Variants in OSCP1 observed in about 807,000 individuals in gnomAD.
OSCP1 encodes the protein organic solute carrier partner 1.
A neutral mutation model predicts 45.1 loss-of-function variants in OSCP1; 35 were observed. The observed-to-expected ratio is 0.78, with a 90% CI of 0.59 to 1.03. OSCP1 has a LOEUF of 1.03. OSCP1 is among the 50% of genes least tolerant of loss of function. OSCP1 has a pLI of 0.00. For synonymous variants in OSCP1, 179 were observed against 180.1 expected (o/e 0.99, Z 0.05); for missense variants, 400 against 470.7 (o/e 0.85, Z 1.39).
intron 1 of OSCP1, chr1:36,444,091 A>G (rs1649361603): frequency 6.4e-7 from 1 of 1,563,030 alleles, no homozygotes; most frequent in South Asian, 1.1e-5. Flanking sequence ...ATTATTTTCA[A>G]GGAGGCTTTA....
At chr1:36,434,226 GTA>G (rs1648561884) in intron 2 of OSCP1, among the ~76,000 whole-genome samples, 1 of 151,942 alleles carries the variant, frequency 6.6e-6, no homozygotes, top group African/African-American at 2.4e-5. Context: ...CCAAGCACGT[GTA>G]TATATATTAC....
At chr1:36,432,121 G>C (rs1336141998) in intron 3 of OSCP1, among the ~76,000 whole-genome samples, 1 of 152,092 alleles carries the variant, frequency 6.6e-6, no homozygotes, top group African/African-American at 2.4e-5. Flanking sequence ...GACCTGGAGA[G>C]CCTGTTCCCC....
chr1:36,450,152 G>A (rs1032812453), intron 1 of OSCP1, 106 bp downstream of exon 1: 4 of 840,658 alleles, frequency 4.8e-6, no homozygotes, highest in African/African-American at 3.8e-5. Context: ...CTGGTTATAA[G>A]AGTGAAGTGT....
At position 36,418,070 on chromosome 1, in the gene OSCP1, T is replaced by C. The variant is rs1647378087; in HGVS notation, c.*69A>G. The stretch of plus-strand genomic sequence containing the variant: ...AAACTAGCAGCATCATTCTGGGCCA[T>C]GGGGCATTCCCCAGGGGTCACCATC... On this transcript the variant is annotated 3_prime_UTR_variant, in exon 10 of 10. Transcript: ENST00000235532. 4 of 1,279,150 alleles carry C rather than the reference T, an allele frequency of 3.1e-6. No individual in the cohort carries two copies. In the East Asian group the frequency reaches 7.0e-5, roughly 22 times the overall value. The allele number at this position is 1,279,150 out of a possible 1,614,324, so 79.2% of individuals were successfully genotyped here.
chr1:36,419,506 GAATTA>G (rs1647482887), intron 8 of OSCP1, among the ~76,000 whole-genome samples: 1 of 152,134 alleles, frequency 6.6e-6, no homozygotes, highest in Admixed American at 6.6e-5. Flanking sequence ...CTGTCACACA[GAATTA>G]AACAAAAGAA....
chr1:36,439,036 G>A, intron 1 of OSCP1, 126 bp from the exon 2 acceptor site: 1 of 1,055,478 alleles, frequency 9.5e-7, no homozygotes, highest in Non-Finnish European at 1.3e-6. Context: ...TATGCTTGGT[G>A]AGATCAGCTC....
chr1:36,427,175 A>AT (rs1172638137), intron 4 of OSCP1, among the ~76,000 whole-genome samples: 10 of 128,202 alleles, frequency 7.8e-5, no homozygotes, highest in Admixed American at 7.3e-4. Flanking sequence ...TAATTTTTGT[A>AT]TTTTTTAGTA....
Position 36,447,446 on chromosome 1 carries a change from G to A in OSCP1, c.112+2812C>T, listed in dbSNP as rs1649616018. ...CAAGGTATGGCAGCAGAGTATAGTG[G>A]TTATAGTAAGGGGACTAAGTGGTTA... On this transcript the variant is annotated intron_variant, in intron 1 of 9. Transcript: ENST00000235532. The surrounding 1 kb of genome is among the most constrained non-coding windows in gnomAD (Gnocchi z 4.1). Among the ~76,000 whole-genome samples the A allele has an allele frequency of 6.6e-6, 1 of 152,194 alleles. No homozygotes were observed. Among genetic ancestry groups the A allele is most frequent in the Non-Finnish European group, 1.5e-5 (1 of 68,048 alleles).
At chr1:36,444,763 C>T (rs1220135740) in intron 1 of OSCP1, among the ~76,000 whole-genome samples, 1 of 152,144 alleles carries the variant, frequency 6.6e-6, no homozygotes, top group African/African-American at 2.4e-5. Flanking sequence ...GGGTTGAAAC[C>T]TGGCTCTACT....
intron 9 of OSCP1, chr1:36,418,551 C>A: frequency 2.2e-6 from 1 of 451,266 alleles, no homozygotes; most frequent in Non-Finnish European, 4.0e-6. Flanking sequence ...CAGCACTTAA[C>A]AGCTATATTG....
At chr1:36,420,827 G>A (rs953776985) in intron 7 of OSCP1, among the ~76,000 whole-genome samples, 9 of 152,192 alleles carry the variant, frequency 5.9e-5, no homozygotes, top group Non-Finnish European at 1.3e-4. Context: ...GCAAACCAGA[G>A]ATTTTCATAC....
In OSCP1 at chr1:36,450,408, G is replaced by A. The variant is rs565358283; in HGVS notation, c.-39C>T. 24 of 1,563,392 alleles carry A rather than the reference G, an allele frequency of 1.5e-5. No homozygotes were observed. The highest frequency in any genetic ancestry group is 1.9e-5 in the Non-Finnish European group (22 of 1,136,036). ...AGCTGGACTGGTGAAGAGCCCCGGG[G>A]TTCGGTAGCCAGTGGCCTGAAGGCC... On this transcript the variant is annotated 5_prime_UTR_variant, in exon 1 of 10. Transcript: ENST00000235532.
intron 7 of OSCP1, 149 bp downstream of exon 7, chr1:36,422,001 G>T: frequency 1.4e-6 from 1 of 720,856 alleles, no homozygotes; most frequent in Non-Finnish European, 2.4e-6. Context: ...ATTAAAACCT[G>T]TGTACTCGTA....
Position 36,432,455 on chromosome 1 carries a change from C to T in OSCP1, c.402G>A (p.Gln134=). Residue 134 remains glutamine, a synonymous_variant, in exon 3 of 10, where the codon CAG becomes CAA. Transcript: ENST00000235532. The part of the protein sequence containing the change: ...GFIRDSPTIL[Q]QVDETLRQLT... ...GCTGCCGCAAAGTCTCGTCCACTTG[C>T]TGCAGGATGGTTGGGGAGTCTCGGA... is the stretch of plus-strand genomic sequence containing the variant. 1 of 1,614,096 alleles carries T rather than the reference C, an allele frequency of 6.2e-7. No homozygotes were observed. Among genetic ancestry groups the T allele is most frequent in the Middle Eastern group, 1.7e-4 (1 of 6,060 alleles).
In OSCP1 at chr1:36,420,591, C is replaced by G; in HGVS notation, c.844G>C (p.Ala282Pro). Residue 282 changes from alanine to proline, a missense_variant, in exon 8 of 10, where the codon GCT becomes CCT. Coordinates refer to ENST00000235532, the MANE Select transcript of OSCP1 (RefSeq NM_145047.5). ...TQESIAPNPLAKEELNFLARL... is the reference protein window; with the variant it reads ...TQESIAPNPLPKEELNFLARL... ...GCCAAGAAATTCAGCTCTTCTTTAG[C>G]AAGAGGGTTTGGAGCAATGCTTTCC... 6.2e-7 allele frequency: 1 copy of G among 1,614,108 alleles called. No homozygotes were observed. Among genetic ancestry groups the G allele is most frequent in the Non-Finnish European group, 8.5e-7 (1 of 1,180,010 alleles).
Position 36,447,731 on chromosome 1 carries a change from T to C in OSCP1, c.112+2527A>G. The C allele has an allele frequency of 3.9e-6, 1 of 257,126 alleles. No individual in the cohort carries two copies. The highest frequency in any genetic ancestry group is 3.5e-5 in the South Asian group (1 of 28,400). The allele number at this position is 257,126 out of a possible 1,614,324, so 15.9% of individuals were successfully genotyped here. A position where few individuals can be genotyped will look rare whatever the true frequency, so the allele number is the denominator to read the frequency against. The stretch of plus-strand genomic sequence containing the variant: ...TTTAAGAGGAGCCCTTGGTACAAAG[T>C]AAGTGCTTGATTTTTCATTGTTTTA... On this transcript the variant is annotated intron_variant, in intron 1 of 9. Transcript: ENST00000235532. The surrounding 1 kb of genome is among the most constrained non-coding windows in gnomAD (Gnocchi z 4.1).
rs71053929 is a variant in OSCP1 at position 36,427,299 on chromosome 1, C to CTTTTTTTTTTTTTTTT, written c.517-3834_517-3833insAAAAAAAAAAAAAAAA. 7.3e-5 allele frequency among the ~76,000 whole-genome samples: 7 copies of CTTTTTTTTTTTTTTTT among 96,306 alleles called. 1 individual carries two copies. Among genetic ancestry groups the CTTTTTTTTTTTTTTTT allele is most frequent in the African/African-American group, 1.9e-4 (4 of 20,826 alleles). The allele number at this position is 96,306 out of a possible 152,430, so 63.2% of individuals were successfully genotyped here. A position where few individuals can be genotyped will look rare whatever the true frequency, so the allele number is the denominator to read the frequency against. The stretch of plus-strand genomic sequence containing the variant: ...ACAGGCGTGAGCCATGGCGCCTGGC[C>CTTTTTTTTTTTTTTTT]TTTTTTTTTTTTTTTGACACAGAGT... On this transcript the variant is annotated intron_variant, in intron 4 of 9. Coordinates refer to ENST00000235532, the MANE Select transcript of OSCP1 (RefSeq NM_145047.5).
At chr1:36,436,723 A>C (rs1463903693) in intron 2 of OSCP1, among the ~76,000 whole-genome samples, 1 of 152,140 alleles carries the variant, frequency 6.6e-6, no homozygotes, top group Non-Finnish European at 1.5e-5. Context: ...CTAAAGACCA[A>C]ACTTTAAAGA....
At chr1:36,422,971 C>A (rs1382369654) in intron 5 of OSCP1, 75 bp from the exon 6 acceptor site, 1 of 1,315,710 alleles carries the variant, frequency 7.6e-7, no homozygotes. Flanking sequence ...ATTCTTTGTA[C>A]TACAGAACAA....
Sources: allele counts gnomAD v4.1 joint callset (sites outside exome capture counted in the v4.1 genomes callset), GRCh38; gene constraint gnomAD v4.1.1; non-coding constraint Gnocchi (gnomAD v3.1); transcripts MANE v1.5; gene names NCBI Gene and HGNC (gene_info 2026-07-23, HGNC 2026-07-21).